The following PRTG variants were observed in gnomAD, a reference collection of about 807,000 sequenced individuals.
PRTG encodes the protein protogenin, also known as immunoglobulin superfamily, DCC subclass, member 5.
In PRTG, 67 loss-of-function variants were observed where a neutral mutation model predicts 122.5. The ratio of observed to expected loss-of-function variants is 0.55; its 90% CI spans 0.45 to 0.67. The LOEUF (loss-of-function observed/expected upper bound fraction) is 0.67. PRTG is among the 30% of genes least tolerant of loss of function. The pLI is 0.00. For missense variants in PRTG, 1,435 were observed against 1,415.4 expected, an observed-to-expected ratio of 1.01 and a Z score of -0.22; for synonymous variants, 554 against 501.1, an observed-to-expected ratio of 1.11 and a Z score of -1.41.
In PRTG at chr15:55,675,571, T is replaced by C; in HGVS notation, c.1494A>G (p.Pro498=). 1.2e-6 allele frequency: 2 copies of C among 1,612,294 alleles called. No individual in the cohort carries two copies. Among genetic ancestry groups the C allele is most frequent in the Non-Finnish European group, 1.7e-6 (2 of 1,178,640 alleles). The change falls in exon 9 of 20, where the codon CCA becomes CCG. Residue 498 remains proline (P), a synonymous_variant. Transcript: ENST00000389286. ...NYTFYIVAYM[P]MGASQMSDHV... is the part of the protein sequence containing the mutation. ...GGTCAGACATCTGGCTGGCTCCCAT[T>C]GGCATATATGCTACAATGTAGAAAG...
In PRTG at chr15:55,645,444, A is replaced by AAAAAAAAAAAAG. The variant is rs1029568650; in HGVS notation, c.2042-4237_2042-4236insCTTTTTTTTTTT. ...GCGAAACTCCGTCTCAAAAAAAAAAAAAAAAAGAGTGGAAGGAGGGACTAG... is the reference window on the plus strand; with the variant it reads ...GCGAAACTCCGTCTCAAAAAAAAAAAAAAAAAAAAAAGAAAAAAGAGTGGAAGGAGGGACTAG... On this transcript the variant is annotated intron_variant, in intron 11 of 19. Coordinates refer to ENST00000389286, the MANE Select transcript of PRTG (RefSeq NM_173814.6). Among the ~76,000 whole-genome samples the AAAAAAAAAAAAG allele has an allele frequency of 2.3e-5, 3 of 133,218 alleles. 1 individual carries two copies. Among genetic ancestry groups the AAAAAAAAAAAAG allele is most frequent in the Non-Finnish European group, 3.3e-5 (2 of 60,704 alleles). 87.4% of individuals were successfully genotyped at this position (133,218 alleles called of 152,430 possible).
At chr15:55,674,337 G>A (rs2141799836) in intron 9 of PRTG, among the ~76,000 whole-genome samples, 1 of 152,180 alleles carries the variant, frequency 6.6e-6, no homozygotes, top group East Asian at 1.9e-4. Context: ...GGTTTCTTCA[G>A]ACACAAAATG....
chr15:55,648,105 T>C (rs1367002805), intron 11 of PRTG, among the ~76,000 whole-genome samples: 1 of 152,196 alleles, frequency 6.6e-6, no homozygotes, highest in Non-Finnish European at 1.5e-5. Context: ...CTAATGATGA[T>C]AAATGCTTTG....
At chr15:55,645,508 T>TA (rs1254206158) in intron 11 of PRTG, among the ~76,000 whole-genome samples, 3 of 141,358 alleles carry the variant, frequency 2.1e-5, no homozygotes, top group Non-Finnish European at 3.1e-5. Flanking sequence ...CACCAGGCAG[T>TA]AAGAGTGATC....
Position 55,743,138 on chromosome 15 carries a change from G to T in PRTG, c.-207C>A. On this transcript the variant is annotated 5_prime_UTR_variant, in exon 1 of 20. Transcript: ENST00000389286. Reference sequence around the variant, plus strand: ...CGAGAAGCAAGGGGCCTGAGAGTCCGGCTGGGGGCGGAGTGAGGCGGCGGC... The same window carrying T: ...CGAGAAGCAAGGGGCCTGAGAGTCCTGCTGGGGGCGGAGTGAGGCGGCGGC... The T allele has an allele frequency of 8.0e-7, 1 of 1,250,032 alleles. No individual in the cohort carries two copies. Among genetic ancestry groups the T allele is most frequent in the Non-Finnish European group, 1.0e-6 (1 of 1,000,180 alleles). 77.4% of individuals were successfully genotyped at this position (1,250,032 alleles called of 1,614,324 possible).
chr15:55,723,430 CAT>C (rs1491132457), intron 2 of PRTG, among the ~76,000 whole-genome samples: 1 of 143,182 alleles, frequency 7.0e-6, no homozygotes, highest in African/African-American at 2.6e-5. Context: ...TTCTAAGAGA[CAT>C]GTGGGGCACC....
chr15:55,631,626 G>A (rs1342270538), intron 15 of PRTG, among the ~76,000 whole-genome samples: 4 of 152,094 alleles, frequency 2.6e-5, no homozygotes, highest in Admixed American at 1.3e-4. Context: ...TCCGTCTCCT[G>A]CCTTTTATAT....
At chr15:55,737,999 TC>T (rs1438426137) in intron 2 of PRTG, among the ~76,000 whole-genome samples, 63 of 63,990 alleles carry the variant, frequency 9.8e-4, no homozygotes, top group Admixed American at 3.2e-3. Flanking sequence ...TCTCTCTCTC[TC>T]TCTATATATA....
chr15:55,718,576 G>C (rs935412274), intron 2 of PRTG, among the ~76,000 whole-genome samples: 1 of 150,630 alleles, frequency 6.6e-6, no homozygotes, highest in Non-Finnish European at 1.5e-5. Context: ...TTCAGACTCA[G>C]CCCGCCTGCA....
intron 2 of PRTG, among the ~76,000 whole-genome samples, chr15:55,719,647 T>C (rs1204466639): frequency 1.3e-5 from 2 of 152,182 alleles, no homozygotes; most frequent in Non-Finnish European, 2.9e-5. Context: ...AAGGTATTAT[T>C]TTACTAAATC....
At chr15:55,656,846 A>G (rs774658422) in intron 11 of PRTG, among the ~76,000 whole-genome samples, 1 of 152,198 alleles carries the variant, frequency 6.6e-6, no homozygotes, top group Non-Finnish European at 1.5e-5. Flanking sequence ...CTTTTTGTCT[A>G]TATCAAGTTA....
At chr15:55,650,880 T>C (rs749348815) in intron 11 of PRTG, among the ~76,000 whole-genome samples, 1 of 152,012 alleles carries the variant, frequency 6.6e-6, no homozygotes, top group Non-Finnish European at 1.5e-5. Flanking sequence ...GGTAGGAGGA[T>C]TGCTTGAGCC....
At chr15:55,695,029 A>C (rs1224947783) in intron 2 of PRTG, among the ~76,000 whole-genome samples, 1 of 152,226 alleles carries the variant, frequency 6.6e-6, no homozygotes, top group Non-Finnish European at 1.5e-5. Context: ...CCTCAAAAAC[A>C]ACCTTGCAAA....
chr15:55,673,589 C>G lies in PRTG; in HGVS notation c.1634G>C (p.Arg545Pro). 2 of 1,614,068 alleles carry G rather than the reference C, an allele frequency of 1.2e-6. No homozygotes were observed. Among genetic ancestry groups the G allele is most frequent in the Non-Finnish European group, 1.7e-6 (2 of 1,180,022 alleles). Residue 545 changes from arginine (R) to proline (P), a missense_variant, in exon 10 of 20, where the codon CGG becomes CCG. By Grantham distance (103) the Arg-to-Pro change is moderately radical (BLOSUM62 -2). Transcript: ENST00000389286. ...ISWLPIPAKY[R>P]RGQVVLYRLS... ...GCGATACAGCACCACTTGGCCCCGC[C>G]GATATTTGGCTGGGATTGGCAGCCA...
intron 11 of PRTG, among the ~76,000 whole-genome samples, chr15:55,657,980 G>C (rs2059389494): frequency 6.6e-6 from 1 of 152,152 alleles, no homozygotes; most frequent in African/African-American, 2.4e-5. Context: ...TTAGGTTGCT[G>C]TTTTCTTTTC....
At chr15:55,678,113 T>C in intron 7 of PRTG, 69 bp from the exon 8 acceptor site, 1 of 884,724 alleles carries the variant, frequency 1.1e-6, no homozygotes, top group East Asian at 2.6e-5. Context: ...GTTTAGCTAT[T>C]GCTAAATATA....
intron 2 of PRTG, among the ~76,000 whole-genome samples, chr15:55,706,397 A>C (rs11858195): frequency 0.59 from 88,876 of 151,212 alleles, 27,105 homozygotes; most frequent in Non-Finnish European, 0.69. Context: ...CAGAGCAATA[A>C]GAATACACAA....
At chr15:55,627,417 G>T (rs1267300505) in intron 16 of PRTG, among the ~76,000 whole-genome samples, 1 of 148,020 alleles carries the variant, frequency 6.8e-6, no homozygotes, top group Non-Finnish European at 1.5e-5. Context: ...TCCAACTCCC[G>T]GGTTCCTGCC....
intron 15 of PRTG, among the ~76,000 whole-genome samples, chr15:55,629,294 A>G (rs2059212345): frequency 6.6e-6 from 1 of 151,970 alleles, no homozygotes; most frequent in Non-Finnish European, 1.5e-5. Context: ...TTTCCCCAAT[A>G]TAATCCTTTT....
Sources: allele counts gnomAD v4.1 joint callset (sites outside exome capture counted in the v4.1 genomes callset), GRCh38; gene constraint gnomAD v4.1.1; transcripts MANE v1.5; gene names NCBI Gene and HGNC (gene_info 2026-07-23, HGNC 2026-07-21).